The following SNX13 variants were observed in gnomAD, a reference collection of about 807,000 sequenced individuals.
The protein encoded by SNX13 is sorting nexin-13.
In SNX13, 45 loss-of-function variants were observed where a neutral mutation model predicts 133.6. That is an observed-to-expected ratio of 0.34 (90% CI 0.27 to 0.43). The LOEUF (loss-of-function observed/expected upper bound fraction) is 0.43. Ranked by LOEUF, SNX13 falls within the 20% of genes least tolerant of loss-of-function variation. The probability of loss-of-function intolerance (pLI) is 1.00; values close to 1 mark genes in which losing one functional copy is unlikely to be tolerated. For synonymous variants in SNX13, 414 were observed against 373.9 expected (o/e 1.11, Z -1.24); for missense variants, 1,032 against 1,145.1 (o/e 0.90, Z 1.43).
At chr7:17,934,300 T>A (rs1801778871) in intron 1 of SNX13, among the ~76,000 whole-genome samples, 1 of 152,170 alleles carries the variant, frequency 6.6e-6, no homozygotes. Context: ...AACCACAAAA[T>A]TTCAAAGCAC....
intron 5 of SNX13, among the ~76,000 whole-genome samples, chr7:17,885,328 T>C (rs1372774187): frequency 6.7e-6 from 1 of 149,908 alleles, no homozygotes; most frequent in African/African-American, 2.5e-5. Flanking sequence ...AGTGGTTACC[T>C]AGAGCTAGAA....
At chr7:17,938,273 A>C (rs1385413640) in intron 1 of SNX13, among the ~76,000 whole-genome samples, 5 of 152,206 alleles carry the variant, frequency 3.3e-5, no homozygotes, top group African/African-American at 1.2e-4. Flanking sequence ...AAAATCTATC[A>C]AGAGAGCTGA....
chr7:17,856,833 G>GA (rs1488708255), intron 9 of SNX13, among the ~76,000 whole-genome samples: 1 of 135,054 alleles, frequency 7.4e-6, no homozygotes, highest in African/African-American at 2.7e-5. Flanking sequence ...AAAAGAAAAA[G>GA]AAAAAGAAAA....
At chr7:17,909,149 T>C (rs1322562150) in intron 1 of SNX13, among the ~76,000 whole-genome samples, 1 of 151,902 alleles carries the variant, frequency 6.6e-6, no homozygotes, top group South Asian at 2.1e-4. Flanking sequence ...AAAAAAAACA[T>C]GAGATACCAT....
chr7:17,829,892 A>C, intron 16 of SNX13, 118 bp downstream of exon 16: 1 of 611,814 alleles, frequency 1.6e-6, no homozygotes. Flanking sequence ...ATAACTTTTT[A>C]CAATACTAAA....
intron 25 of SNX13, chr7:17,794,527 GATAAAAA>G: frequency 2.4e-6 from 1 of 419,196 alleles, no homozygotes; most frequent in Non-Finnish European, 4.2e-6. Flanking sequence ...AGGTGTAAGA[GATAAAAA>G]ATAAAAAACA....
chr7:17,796,994 A>C (rs983398229), intron 24 of SNX13, 55 bp from the exon 25 acceptor site: 4 of 1,275,628 alleles, frequency 3.1e-6, no homozygotes. Context: ...TAATGATACA[A>C]GTTGATAAAA....
At position 17,803,822 on chromosome 7, in the gene SNX13, G is replaced by A. The variant is rs369590001; in HGVS notation, c.2065-242C>T. Among the ~76,000 whole-genome samples, 82 of 149,222 alleles carry A rather than the reference G, an allele frequency of 5.5e-4. 1 individual carries two copies. In the East Asian group the frequency reaches 0.016, roughly 29 times the overall value. ...GCACTTCGGCAGGCTGTAGCAGGAG[G>A]ATCACTTGAATCCAGGAGTTTGAGA... On this transcript the variant is annotated intron_variant, in intron 20 of 25. Transcript: ENST00000428135.
intron 9 of SNX13, among the ~76,000 whole-genome samples, chr7:17,858,263 CA>C (rs1164107374): frequency 6.6e-6 from 1 of 152,020 alleles, no homozygotes; most frequent in Non-Finnish European, 1.5e-5. Flanking sequence ...ACATGAACAC[CA>C]TTTAGAAAAA....
chr7:17,917,861 T>C (rs1799726073), intron 1 of SNX13, among the ~76,000 whole-genome samples: 2 of 151,656 alleles, frequency 1.3e-5, no homozygotes, highest in South Asian at 2.1e-4. Flanking sequence ...CAAAAGAAAA[T>C]AGGTATCACA....
intron 1 of SNX13, among the ~76,000 whole-genome samples, chr7:17,913,694 C>A (rs1375398248): frequency 6.7e-6 from 1 of 149,860 alleles, no homozygotes; most frequent in Non-Finnish European, 1.5e-5. Flanking sequence ...GTCAGTCATA[C>A]CCTCAAGGGA....
chr7:17,931,348 T>C (rs1801371696), intron 1 of SNX13, among the ~76,000 whole-genome samples: 1 of 109,964 alleles, frequency 9.1e-6, no homozygotes, highest in African/African-American at 2.8e-5. Context: ...AGTCAGAACA[T>C]TATTTCCTAA....
At position 17,845,714 on chromosome 7, in the gene SNX13, T is replaced by C; in HGVS notation, c.1066-20A>G. 6.8e-7 allele frequency: 1 copy of C among 1,468,008 alleles called. No individual in the cohort carries two copies. The highest frequency in any genetic ancestry group is 9.3e-7 in the Non-Finnish European group (1 of 1,075,742). 90.9% of individuals were successfully genotyped at this position (1,468,008 alleles called of 1,614,324 possible). A position where few individuals can be genotyped will look rare whatever the true frequency, so the allele number is the denominator to read the frequency against. ...TATTTCCTACAGGCAAAAGTGAATA[T>C]AAGTTAATATTTTATCTAATCATTC... is the stretch of plus-strand genomic sequence containing the variant. On this transcript the variant is annotated intron_variant, in intron 11 of 25. Coordinates refer to ENST00000428135, the MANE Select transcript of SNX13 (RefSeq NM_015132.5).
chr7:17,839,879 A>T lies in SNX13; in HGVS notation c.1287T>A (p.His429Gln). The T allele has an allele frequency of 6.2e-7, 1 of 1,611,952 alleles. No individual in the cohort carries two copies. Among genetic ancestry groups the T allele is most frequent in the Non-Finnish European group, 8.5e-7 (1 of 1,178,654 alleles). ...VLLSRQRDGK[H>Q]QTNQTKGLLR... ...AAAGACCTTTGGTTTGGTTGGTTTGATGTTTTCCATCTCTCTGACGACTTA... is the reference window on the plus strand; with the variant it reads ...AAAGACCTTTGGTTTGGTTGGTTTGTTGTTTTCCATCTCTCTGACGACTTA... Residue 429 changes from histidine to glutamine, a missense_variant, in exon 13 of 26, where the codon CAT becomes CAA. By Grantham distance (24) the His-to-Gln change is conservative (BLOSUM62 0). Coordinates refer to ENST00000428135, the MANE Select transcript of SNX13 (RefSeq NM_015132.5).
chr7:17,802,129 A>C (rs567955665), intron 21 of SNX13, among the ~76,000 whole-genome samples: 1 of 152,174 alleles, frequency 6.6e-6, no homozygotes, highest in Admixed American at 6.5e-5. Flanking sequence ...CATACTGTAA[A>C]GGTTAGTAGC....
rs117686901 is a variant in SNX13 at position 17,917,044 on chromosome 7, C to T, written c.13-19598G>A. On this transcript the variant is annotated intron_variant, in intron 1 of 25. Coordinates refer to ENST00000428135, the MANE Select transcript of SNX13 (RefSeq NM_015132.5). Reference sequence around the variant, plus strand: ...CAATAAATGTGATTCACCATATAAACAGCATTAAAAACAAAAACCATATAT... The same window carrying T: ...CAATAAATGTGATTCACCATATAAATAGCATTAAAAACAAAAACCATATAT... Among the ~76,000 whole-genome samples the T allele has an allele frequency of 2.9e-4, 44 of 152,236 alleles. No homozygotes were observed. The East Asian group carries it at 8.1e-3, about 28-fold the overall frequency.
At chr7:17,847,362 G>A (rs987689901) in intron 11 of SNX13, among the ~76,000 whole-genome samples, 1 of 151,886 alleles carries the variant, frequency 6.6e-6, no homozygotes, top group African/African-American at 2.4e-5. Context: ...ACGGAGTGTC[G>A]CTCTTGTTGC....
rs935479487 is a variant in SNX13, at chr7:17,940,440, T to C, written c.-145A>G. 24 of 891,876 alleles carry C rather than the reference T, an allele frequency of 2.7e-5. No homozygotes were observed. The highest frequency in any genetic ancestry group is 4.0e-5 in the Admixed American group (2 of 50,226). 55.2% of individuals were successfully genotyped at this position (891,876 alleles called of 1,614,324 possible). A position where few individuals can be genotyped will look rare whatever the true frequency, so the allele number is the denominator to read the frequency against. On this transcript the variant is annotated 5_prime_UTR_variant, in exon 1 of 26. Transcript: ENST00000428135. ...GGGCGGCGGTTTTACTCGGCTTCGC[T>C]GGCCTCCCCTCGGCCCGGTCGCTCG... is the stretch of plus-strand genomic sequence containing the variant.
intron 9 of SNX13, among the ~76,000 whole-genome samples, chr7:17,863,999 A>G (rs529432170): frequency 6.6e-6 from 1 of 152,322 alleles, no homozygotes; most frequent in African/African-American, 2.4e-5. Flanking sequence ...TAGCATAGTG[A>G]CCATAGGCTT....
Sources: gnomAD v4.1 joint callset for allele counts (sites outside exome capture counted in the v4.1 genomes callset) on GRCh38, gnomAD v4.1.1 for gene constraint, MANE v1.5 for transcripts, NCBI Gene and HGNC (gene_info 2026-07-23, HGNC 2026-07-21) for gene names.